FGF7: variants seen among roughly 807,000 people sequenced by gnomAD.
The protein encoded by FGF7 is fibroblast growth factor 7, also known as FGF-7.
In FGF7, 6 loss-of-function variants were observed where a neutral mutation model predicts 20.5. The observed-to-expected ratio is 0.29, with a 90% CI of 0.16 to 0.58. The LOEUF (loss-of-function observed/expected upper bound fraction) is 0.58. Among genes scored for constraint, FGF7 ranks in the 20% least tolerant of loss-of-function variants. FGF7 has a pLI of 0.90. For missense variants in FGF7, 144 were observed against 228.8 expected, an observed-to-expected ratio of 0.63 and a Z score of 2.39; for synonymous variants, 64 against 74.7, an observed-to-expected ratio of 0.86 and a Z score of 0.74.
At chr15:49,423,519 G>C (rs2049868093) in intron 1 of FGF7, 79 bp downstream of exon 1, 1 of 152,168 alleles carries the variant, frequency 6.6e-6, no homozygotes. Flanking sequence ...TTTTAGTACT[G>C]AGCAGGAAAG....
chr15:49,435,698 G>A (rs897855224), intron 2 of FGF7, among the ~76,000 whole-genome samples: 1 of 151,472 alleles, frequency 6.6e-6, no homozygotes, highest in African/African-American at 2.4e-5. Context: ...CCCCAAAGAA[G>A]ATGAGCATAA....
At chr15:49,462,481 C>G (rs1268938696) in intron 2 of FGF7, among the ~76,000 whole-genome samples, 1 of 152,174 alleles carries the variant, frequency 6.6e-6, no homozygotes, top group African/African-American at 2.4e-5. Flanking sequence ...CCAGCATGGG[C>G]AAATATAATT....
chr15:49,434,269 A>C (rs2050883761), intron 2 of FGF7: 1 of 151,550 alleles, frequency 6.6e-6, no homozygotes, highest in African/African-American at 2.4e-5. Context: ...GATATGCAAA[A>C]TTTTAAAGGT....
chr15:49,477,056 T>C (rs2055401279), intron 2 of FGF7, among the ~76,000 whole-genome samples: 1 of 126,214 alleles, frequency 7.9e-6, no homozygotes, highest in African/African-American at 3.4e-5. Context: ...CGAGACTCTG[T>C]CTCGAAAAAA....
Position 49,424,191 on chromosome 15 carries a change from C to A in FGF7, c.-107C>A. 2 of 1,009,594 alleles carry A rather than the reference C, an allele frequency of 2.0e-6. No individual in the cohort carries two copies. Among genetic ancestry groups the A allele is most frequent in the Non-Finnish European group, 2.9e-6 (2 of 680,748 alleles). The allele number at this position is 1,009,594 out of a possible 1,614,324, so 62.5% of individuals were successfully genotyped here. ...AAAGAGCAACTACTCTTTCTTAAAT[C>A]AATCTACAATTCACAGATAGGAAGA... On this transcript the variant is annotated 5_prime_UTR_variant, in exon 2 of 4. It introduces an in-frame stop codon into an upstream open reading frame of the 5' UTR. Coordinates refer to ENST00000267843, the MANE Select transcript of FGF7 (RefSeq NM_002009.4).
At chr15:49,437,428 A>T (rs1034631110) in intron 2 of FGF7, among the ~76,000 whole-genome samples, 2 of 151,606 alleles carry the variant, frequency 1.3e-5, no homozygotes, top group African/African-American at 2.4e-5. Context: ...TCCTTTTAGG[A>T]CTGCGCTCCA....
rs1284615950 is a variant in FGF7, at chr15:49,485,815, A to G, written c.*1311A>G. ...TTTGAATGCATGGGTAGAAAATATC[A>G]TATTTTAAAACTATGTATATTTAAA... On this transcript the variant is annotated 3_prime_UTR_variant, in exon 4 of 4. Transcript: ENST00000267843. 2.6e-5 allele frequency: 4 copies of G among 152,248 alleles called. No homozygotes were observed. Among genetic ancestry groups the G allele is most frequent in the African/African-American group, 9.6e-5 (4 of 41,454 alleles). 9.4% of individuals were successfully genotyped at this position (152,248 alleles called of 1,614,324 possible). A position where few individuals can be genotyped will look rare whatever the true frequency, so the allele number is the denominator to read the frequency against.
chr15:49,476,463 C>T (rs1349578037), intron 2 of FGF7, among the ~76,000 whole-genome samples: 1 of 151,774 alleles, frequency 6.6e-6, no homozygotes, highest in Non-Finnish European at 1.5e-5. Context: ...GTCTGTATAT[C>T]CAGTATTTGT....
intron 2 of FGF7, among the ~76,000 whole-genome samples, chr15:49,454,925 G>C (rs1330063389): frequency 1.3e-5 from 2 of 152,038 alleles, no homozygotes; most frequent in Non-Finnish European, 2.9e-5. Context: ...TATTCTTAAA[G>C]CACTCTCTGC....
chr15:49,451,458 T>A (rs2052733924), intron 2 of FGF7, among the ~76,000 whole-genome samples: 1 of 152,108 alleles, frequency 6.6e-6, no homozygotes, highest in African/African-American at 2.4e-5. Flanking sequence ...TATGTATATA[T>A]GTTTGCTTAA....
At chr15:49,432,401 A>T (rs1183733942) in intron 2 of FGF7, among the ~76,000 whole-genome samples, 1 of 151,694 alleles carries the variant, frequency 6.6e-6, no homozygotes, top group African/African-American at 2.4e-5. Flanking sequence ...TTTCAGCAGA[A>T]TTTCTCTGAG....
rs74012375 is a variant in FGF7, at chr15:49,427,619, C to A, written c.286+3036C>A. ...ATTCTTCTGGTTACCAAAAGAAAGT[C>A]CCCAATCTTTTCTCATGACTTTTTT... On this transcript the variant is annotated intron_variant, in intron 2 of 3. Transcript: ENST00000267843. Among the ~76,000 whole-genome samples the A allele has an allele frequency of 4.4e-3, 663 of 152,036 alleles. 10 individuals are homozygous for A. The highest frequency in any genetic ancestry group is 0.015 in the African/African-American group (633 of 41,512).
At chr15:49,464,361 A>G (rs190970746) in intron 2 of FGF7, among the ~76,000 whole-genome samples, 3 of 152,348 alleles carry the variant, frequency 2.0e-5, no homozygotes, top group East Asian at 1.9e-4. Context: ...TTAAATAAAA[A>G]TGTGTTAACA....
intron 2 of FGF7, among the ~76,000 whole-genome samples, chr15:49,429,192 T>TA (rs2050380370): frequency 6.6e-6 from 1 of 151,938 alleles, no homozygotes; most frequent in Admixed American, 6.6e-5. Flanking sequence ...ATAAGTAACA[T>TA]ATCTACGCAG....
intron 2 of FGF7, among the ~76,000 whole-genome samples, chr15:49,470,814 A>T (rs1320663430): frequency 6.6e-6 from 1 of 152,242 alleles, no homozygotes; most frequent in African/African-American, 2.4e-5. Context: ...ACTTTCTAGA[A>T]GATCAATGAA....
Position 49,485,330 on chromosome 15 carries a change from G to A in FGF7, c.*826G>A, listed in dbSNP as rs371359059. The A allele has an allele frequency of 1.3e-5, 2 of 152,202 alleles. No homozygotes were observed. Among genetic ancestry groups the A allele is most frequent in the East Asian group, 3.9e-4 (2 of 5,170 alleles). The allele number at this position is 152,202 out of a possible 1,614,324, so 9.4% of individuals were successfully genotyped here. ...TTTTCAAGTAACATAATCTATCTTT[G>A]TATAATTCATATTTGGGAATATGGC... On this transcript the variant is annotated 3_prime_UTR_variant, in exon 4 of 4. Coordinates refer to ENST00000267843, the MANE Select transcript of FGF7 (RefSeq NM_002009.4).
chr15:49,469,888 G>A (rs1225785254), intron 2 of FGF7, among the ~76,000 whole-genome samples: 1 of 151,938 alleles, frequency 6.6e-6, no homozygotes, highest in East Asian at 1.9e-4. Context: ...AATGAGAAAT[G>A]GTGATAAAGA....
chr15:49,440,342 G>C (rs1326793966), intron 2 of FGF7, among the ~76,000 whole-genome samples: 1 of 151,636 alleles, frequency 6.6e-6, no homozygotes, highest in African/African-American at 2.4e-5. Context: ...ATAAGTAAAA[G>C]AGTCATCATA....
chr15:49,427,790 G>T (rs181892686), intron 2 of FGF7, among the ~76,000 whole-genome samples: 1 of 152,038 alleles, frequency 6.6e-6, no homozygotes, highest in African/African-American at 2.4e-5. Flanking sequence ...ATATCTAGAT[G>T]TATAATTCTG....
Sources: allele counts gnomAD v4.1 joint callset (sites outside exome capture counted in the v4.1 genomes callset), GRCh38; gene constraint gnomAD v4.1.1; transcripts MANE v1.5; gene names NCBI Gene and HGNC (gene_info 2026-07-23, HGNC 2026-07-21).